Variants in WDR17 observed in about 807,000 individuals in gnomAD.
The protein encoded by WDR17 is WD repeat-containing protein 17.
In WDR17, 143 loss-of-function variants were observed where a neutral mutation model predicts 161.7. That is an observed-to-expected ratio of 0.88 (90% CI 0.77 to 1.02). The LOEUF (loss-of-function observed/expected upper bound fraction) is 1.02, where lower values mean the gene tolerates loss of function less well. Ranked by LOEUF, WDR17 falls within the 50% of genes least tolerant of loss-of-function variation. The probability of loss-of-function intolerance (pLI) is 0.00; values close to 1 mark genes in which losing one functional copy is unlikely to be tolerated. For synonymous variants in WDR17, 517 were observed against 515.6 expected (o/e 1.00, Z -0.04); for missense variants, 1,469 against 1,520.9 (o/e 0.97, Z 0.57).
At chr4:176,152,293 T>TAAAAAAAAAAAAAAA (rs1747267933) in intron 17 of WDR17, among the ~76,000 whole-genome samples, 1 of 14,762 alleles carries the variant, frequency 6.8e-5, no homozygotes, top group Non-Finnish European at 1.3e-4. Flanking sequence ...AGACCCTATC[T>TAAAAAAAAAAAAAAA]CAAAAAAAAA....
At chr4:176,112,285 T>A (rs933612619) in intron 2 of WDR17, among the ~76,000 whole-genome samples, 4 of 152,202 alleles carry the variant, frequency 2.6e-5, no homozygotes, top group Non-Finnish European at 5.9e-5. Context: ...GATTCTAATA[T>A]GTTCCTCATA....
Position 176,149,970 on chromosome 4 carries a change from A to G in WDR17, c.2047+14A>G. ...TTGGGAACACTGGTATGGAACATAT[A>G]CATGTATTAGAGTTTATTTCTAAAT... On this transcript the variant is annotated intron_variant, in intron 14 of 28. Coordinates refer to ENST00000508596, the MANE Select transcript of WDR17 (RefSeq NM_181265.4). 3.1e-6 allele frequency: 5 copies of G among 1,611,500 alleles called. No individual in the cohort carries two copies. The highest frequency in any genetic ancestry group is 4.2e-6 in the Non-Finnish European group (5 of 1,179,368).
chr4:176,137,763 C>T (rs549069688), intron 9 of WDR17, 152 bp downstream of exon 9: 3 of 434,702 alleles, frequency 6.9e-6, no homozygotes, highest in South Asian at 1.4e-4. Context: ...AGAATACTCA[C>T]ATACTAAAAT....
chr4:176,162,163 G>T lies in WDR17; in HGVS notation c.2839G>T (p.Asp947Tyr), dbSNP rs769884140. ...VLAACCHLAIDNIELAMAYLI... is the reference protein window; with the variant it reads ...VLAACCHLAIYNIELAMAYLI... ...AGCCGCATGTTGCCATCTTGCCATA[G>T]ATAATATTGAGGTACGACATTTAAA... The change falls in exon 21 of 29, where the codon GAT (aspartate) becomes TAT (tyrosine). Residue 947 changes from aspartate (D) to tyrosine (Y), a missense_variant. Asp to Tyr is a radical substitution (Grantham distance 160, BLOSUM62 -3). Transcript: ENST00000508596. 1.2e-6 allele frequency: 2 copies of T among 1,612,314 alleles called. No homozygotes were observed. The highest frequency in any genetic ancestry group is 3.3e-5 in the Admixed American group (2 of 59,788).
chr4:176,106,837 G>C (rs1239447833), intron 1 of WDR17, among the ~76,000 whole-genome samples: 1 of 152,164 alleles, frequency 6.6e-6, no homozygotes, highest in Non-Finnish European at 1.5e-5. Context: ...TATAGGCCTA[G>C]CTACTTGGGA....
intron 1 of WDR17, among the ~76,000 whole-genome samples, chr4:176,074,810 C>CTTTTTTTTTT (rs386357678): frequency 2.1e-3 from 167 of 79,126 alleles, no homozygotes; most frequent in African/African-American, 2.6e-3. Flanking sequence ...TTTTTTAATG[C>CTTTTTTTTTT]TTTTTTTTTT....
chr4:176,096,276 A>T (rs187609782), intron 1 of WDR17, among the ~76,000 whole-genome samples: 150 of 152,220 alleles, frequency 9.9e-4, no homozygotes, highest in African/African-American at 3.5e-3. Flanking sequence ...AATATTTGAT[A>T]ATAGCATTCT....
At chr4:176,170,138 T>G (rs955081499) in intron 23 of WDR17, among the ~76,000 whole-genome samples, 21 of 152,110 alleles carry the variant, frequency 1.4e-4, no homozygotes. Flanking sequence ...TATTTTCAGA[T>G]TTTAAAGATA....
intron 26 of WDR17, among the ~76,000 whole-genome samples, chr4:176,175,981 A>G (rs952655522): frequency 6.6e-6 from 1 of 152,238 alleles, no homozygotes; most frequent in East Asian, 1.9e-4. Flanking sequence ...CAAATAAGGA[A>G]TAATATGGAA....
intron 1 of WDR17, among the ~76,000 whole-genome samples, chr4:176,076,400 C>A: frequency 9.9e-6 from 1 of 101,368 alleles, no homozygotes; most frequent in South Asian, 3.4e-4. Flanking sequence ...AATGAGTTGT[C>A]GTTGTTGGTT....
At chr4:176,089,938 A>G (rs1378175133) in intron 1 of WDR17, among the ~76,000 whole-genome samples, 1 of 152,104 alleles carries the variant, frequency 6.6e-6, no homozygotes, top group African/African-American at 2.4e-5. Flanking sequence ...ATTTATGTAT[A>G]AGTGGAAACA....
intron 2 of WDR17, among the ~76,000 whole-genome samples, chr4:176,113,463 A>G (rs769207026): frequency 2.6e-4 from 39 of 152,082 alleles, no homozygotes; most frequent in Admixed American, 3.9e-4. Context: ...GTCATTAAGG[A>G]CTGAAACAAA....
intron 6 of WDR17, among the ~76,000 whole-genome samples, chr4:176,130,732 G>C (rs551442167): frequency 3.5e-5 from 5 of 142,768 alleles, no homozygotes; most frequent in Non-Finnish European, 6.0e-5. Flanking sequence ...GCAACAGAGC[G>C]AGACTCCGTC....
chr4:176,173,855 T>G (rs1320959533), intron 25 of WDR17, among the ~76,000 whole-genome samples: 1 of 151,428 alleles, frequency 6.6e-6, no homozygotes, highest in East Asian at 1.9e-4. Flanking sequence ...GAGGTCAACT[T>G]GAAACAGAGT....
At chr4:176,092,156 A>G (rs1736206861) in intron 1 of WDR17, among the ~76,000 whole-genome samples, 1 of 152,186 alleles carries the variant, frequency 6.6e-6, no homozygotes, top group African/African-American at 2.4e-5. Context: ...AAAGAAAATT[A>G]AAGGCCAGTG....
chr4:176,160,251 C>T (rs1262021868), intron 19 of WDR17, 125 bp downstream of exon 19: 1 of 1,018,736 alleles, frequency 9.8e-7, no homozygotes. Flanking sequence ...CTTCTGCCCT[C>T]CTCCCTGGCC....
chr4:176,145,888 A>G (rs185541602), intron 11 of WDR17, 107 bp from the exon 12 acceptor site: 1 of 1,057,824 alleles, frequency 9.5e-7, no homozygotes, highest in East Asian at 2.7e-5. Context: ...TAACTTCACT[A>G]AGGAAGCAAA....
At chr4:176,111,852 T>C in intron 2 of WDR17, 149 bp downstream of exon 2, 2 of 783,850 alleles carry the variant, frequency 2.6e-6, no homozygotes, top group Non-Finnish European at 3.4e-6. Flanking sequence ...TTATACCGTA[T>C]AGGTTTTAAA....
chr4:176,140,337 A>G (rs1249746896), intron 10 of WDR17, among the ~76,000 whole-genome samples: 1 of 152,124 alleles, frequency 6.6e-6, no homozygotes, highest in Non-Finnish European at 1.5e-5. Flanking sequence ...CAGGTGATTC[A>G]GCATATATTA....
Sources: gnomAD v4.1 joint callset for allele counts (sites outside exome capture counted in the v4.1 genomes callset) on GRCh38, gnomAD v4.1.1 for gene constraint, MANE v1.5 for transcripts, NCBI Gene and HGNC (gene_info 2026-07-23, HGNC 2026-07-21) for gene names.